Variants in RLN2 observed in about 807,000 individuals in gnomAD.
RLN2 encodes the protein prorelaxin H2.
RLN2 carries 10 observed loss-of-function variants against 7.3 expected under a neutral mutation model. The observed-to-expected ratio is 1.36, with a 90% CI of 0.84 to 2.31. The LOEUF (loss-of-function observed/expected upper bound fraction) is 2.31. Among genes scored for constraint, RLN2 ranks in the 30% most tolerant of loss-of-function variants. The pLI, the probability that RLN2 is intolerant of heterozygous loss-of-function variation, is 0.00. For missense variants in RLN2, 298 were observed against 217.6 expected (o/e 1.37, Z -2.32); for synonymous variants, 103 against 82.3 (o/e 1.25, Z -1.36).
At chr9:5,326,460 A>C in the RLN2 span, among the ~76,000 whole-genome samples, 112 of 152,186 alleles carry the variant, frequency 7.4e-4, 3 homozygotes, top group African/African-American at 2.5e-3. Flanking sequence ...CCCCACCCTA[A>C]AGACTCCTGC....
At chr9:5,332,371 A>C in the RLN2 span, among the ~76,000 whole-genome samples, 1 of 152,064 alleles carries the variant, frequency 6.6e-6, no homozygotes, top group Non-Finnish European at 1.5e-5. Flanking sequence ...GATTTTTAAA[A>C]ATTGAATAAA....
chr9:5,326,921 G>T, the RLN2 span, among the ~76,000 whole-genome samples: 1 of 151,934 alleles, frequency 6.6e-6, no homozygotes, highest in Non-Finnish European at 1.5e-5. Flanking sequence ...ATAAAAAACT[G>T]GTCACTTCCA....
upstream of RLN2, among the ~76,000 whole-genome samples, chr9:5,305,910 A>C (rs539505667): frequency 6.6e-6 from 1 of 152,072 alleles, no homozygotes; most frequent in East Asian, 1.9e-4. Flanking sequence ...AGACTATGAG[A>C]TGGTCAGATG....
chr9:5,304,354 G>A lies in RLN2; in HGVS notation c.211+16C>T, dbSNP rs771614904. The A allele has an allele frequency of 1.3e-6, 2 of 1,548,354 alleles. No homozygotes were observed. The highest frequency in any genetic ancestry group is 1.1e-5 in the South Asian group (1 of 87,680). On this transcript the variant is annotated intron_variant, in intron 1 of 1. Coordinates refer to ENST00000381627, the MANE Select transcript of RLN2 (RefSeq NM_134441.3). ...TGGGAAGCGCGGGAAGGCCGGGAGG[G>A]GGCGGGAGCTCTCACCTGCCACTGG...
the RLN2 span, among the ~76,000 whole-genome samples, chr9:5,329,171 C>G: frequency 5.3e-5 from 8 of 150,808 alleles, no homozygotes; most frequent in African/African-American, 1.5e-4. Flanking sequence ...GGCGCGGTGG[C>G]GGGCGCCTGT....
chr9:5,313,000 A>G, the RLN2 span, among the ~76,000 whole-genome samples: 1 of 152,070 alleles, frequency 6.6e-6, no homozygotes, highest in African/African-American at 2.4e-5. Flanking sequence ...GACCTAACAC[A>G]TGATCTAGCA....
chr9:5,311,034 C>G, the RLN2 span, among the ~76,000 whole-genome samples: 2 of 151,982 alleles, frequency 1.3e-5, no homozygotes, highest in African/African-American at 2.4e-5. Context: ...CTAGCAAGAG[C>G]TAGATCTCAG....
At chr9:5,320,531 C>T in the RLN2 span, among the ~76,000 whole-genome samples, 20 of 149,876 alleles carry the variant, frequency 1.3e-4, no homozygotes, top group Admixed American at 6.7e-4. Flanking sequence ...CCACCACACG[C>T]GGCTACGTTT....
chr9:5,319,363 G>GTA, the RLN2 span, among the ~76,000 whole-genome samples: 1 of 151,862 alleles, frequency 6.6e-6, no homozygotes. Context: ...AGAACAAGAC[G>GTA]AATGGCTCAG....
At chr9:5,329,097 A>T in the RLN2 span, among the ~76,000 whole-genome samples, 2 of 151,738 alleles carry the variant, frequency 1.3e-5, no homozygotes, top group Admixed American at 6.6e-5. Context: ...AGGTCAGGAG[A>T]TCGAGACCAT....
the RLN2 span, among the ~76,000 whole-genome samples, chr9:5,314,152 C>T: frequency 1.3e-5 from 2 of 152,066 alleles, no homozygotes; most frequent in African/African-American, 4.8e-5. Flanking sequence ...ACCACTGTGA[C>T]CCACGTGGCT....
the RLN2 span, among the ~76,000 whole-genome samples, chr9:5,324,508 T>C: frequency 6.6e-6 from 1 of 152,052 alleles, no homozygotes; most frequent in Non-Finnish European, 1.5e-5. Context: ...AATAAATCCC[T>C]AACCTGATGG....
chr9:5,305,588 A>C (rs1189011033), upstream of RLN2, among the ~76,000 whole-genome samples: 1 of 151,956 alleles, frequency 6.6e-6, no homozygotes, highest in Non-Finnish European at 1.5e-5. Context: ...AAAGATCCAC[A>C]CTGTTCTAGG....
chr9:5,304,753 G>T (rs185333676), upstream of RLN2: 1,160 of 650,290 alleles, frequency 1.8e-3, 4 homozygotes, highest in African/African-American at 0.014. Flanking sequence ...TAAGGCAAGG[G>T]TGCCAGCTCC....
chr9:5,309,244 C>G (rs1816305202), upstream of RLN2, among the ~76,000 whole-genome samples: 1 of 152,030 alleles, frequency 6.6e-6, no homozygotes, highest in East Asian at 1.9e-4. Context: ...TTCTCAGGAT[C>G]TCTTTGCTAC....
the RLN2 span, among the ~76,000 whole-genome samples, chr9:5,337,265 G>T: frequency 6.6e-6 from 1 of 152,002 alleles, no homozygotes; most frequent in Admixed American, 6.6e-5. Context: ...TATACTTAAA[G>T]CCAGTTAAAT....
upstream of RLN2, chr9:5,304,821 T>C (rs72703633): frequency 0.018 from 9,923 of 554,358 alleles, 232 homozygotes; most frequent in African/African-American, 0.066. Context: ...TCTCCCTCTC[T>C]GCCTTTCCTT....
chr9:5,300,250 T>A lies in RLN2; in HGVS notation c.406A>T (p.Arg136Ter). The change falls in exon 2 of 2, where the codon AGA becomes TGA. Residue 136 changes from arginine to a stop codon, truncating the protein, a stop_gained. Coordinates refer to ENST00000381627, the MANE Select transcript of RLN2 (RefSeq NM_134441.3). LOFTEE classifies it low-confidence loss of function (END_TRUNC). ...CTGCTGTCTGCGGCTTCACTTTGTC[T>A]ATTGCGAATAAGTTTCTTAAATTCT... ...FEEFKKLIRNRQSEAADSSPS... is the reference protein window; with the variant it reads ...FEEFKKLIRN 1 of 1,614,058 alleles carries A rather than the reference T, an allele frequency of 6.2e-7. No homozygotes were observed.
chr9:5,300,770 A>G (rs1350394981), intron 1 of RLN2, among the ~76,000 whole-genome samples: 3 of 152,326 alleles, frequency 2.0e-5, no homozygotes, highest in African/African-American at 4.8e-5. Context: ...TAAGTCACTG[A>G]AAACAGTTTG....
Sources: allele counts gnomAD v4.1 joint callset (sites outside exome capture counted in the v4.1 genomes callset), GRCh38; gene constraint gnomAD v4.1.1; transcripts MANE v1.5; gene names NCBI Gene and HGNC (gene_info 2026-07-23, HGNC 2026-07-21).